Variants in LUZP2 observed in about 807,000 individuals in gnomAD.
The protein encoded by LUZP2 is leucine zipper protein 2.
A neutral mutation model predicts 51.6 loss-of-function variants in LUZP2; 52 were observed. The ratio of observed to expected loss-of-function variants is 1.01; its 90% confidence interval spans 0.81 to 1.27. LUZP2 has a LOEUF of 1.27. LUZP2 is among the 50% of genes most tolerant of loss of function. The pLI is 0.00. For missense variants in LUZP2, 436 were observed against 395.4 expected, an observed-to-expected ratio of 1.10 and a Z score of -0.87; for synonymous variants, 154 against 137.3, an observed-to-expected ratio of 1.12 and a Z score of -0.85.
At chr11:24,532,111 A>G (rs983834355) in intron 1 of LUZP2, among the ~76,000 whole-genome samples, 2 of 150,858 alleles carry the variant, frequency 1.3e-5, no homozygotes, top group Admixed American at 1.3e-4. Context: ...ATCATTATCA[A>G]TATTTTGCCA....
chr11:24,798,966 A>G (rs1345045203), intron 5 of LUZP2, among the ~76,000 whole-genome samples: 7 of 152,072 alleles, frequency 4.6e-5, no homozygotes, highest in Non-Finnish European at 8.8e-5. Flanking sequence ...CTACTAAGAG[A>G]AAAGGAGTTT....
At chr11:25,044,717 C>T (rs1858235866) in intron 9 of LUZP2, among the ~76,000 whole-genome samples, 1 of 42,150 alleles carries the variant, frequency 2.4e-5, no homozygotes, top group Non-Finnish European at 6.1e-5. Flanking sequence ...TGGGTATATA[C>T]CAAAGGATTA....
chr11:25,031,029 T>C (rs1857669781), intron 9 of LUZP2, among the ~76,000 whole-genome samples: 1 of 94,672 alleles, frequency 1.1e-5, no homozygotes, highest in Non-Finnish European at 2.1e-5. Context: ...TTTTTTTTTT[T>C]TGAGACAGAG....
At chr11:24,835,146 A>C (rs927412435) in intron 5 of LUZP2, among the ~76,000 whole-genome samples, 4 of 152,174 alleles carry the variant, frequency 2.6e-5, no homozygotes, top group African/African-American at 9.6e-5. Context: ...GACCTTAGAA[A>C]TAACACCACA....
At chr11:24,807,805 C>T (rs1849900510) in intron 5 of LUZP2, among the ~76,000 whole-genome samples, 1 of 152,046 alleles carries the variant, frequency 6.6e-6, no homozygotes, top group East Asian at 1.9e-4. Flanking sequence ...TTTTTATGGC[C>T]ATGCTTCCCA....
intron 1 of LUZP2, among the ~76,000 whole-genome samples, chr11:24,564,271 C>T (rs566470259): frequency 1.3e-5 from 2 of 152,218 alleles, no homozygotes; most frequent in Non-Finnish European, 2.9e-5. Context: ...TTTCTTCTAT[C>T]TCTTTTAAAG....
chr11:24,971,197 A>AT (rs1855726766), intron 7 of LUZP2, among the ~76,000 whole-genome samples: 1 of 152,058 alleles, frequency 6.6e-6, no homozygotes, highest in South Asian at 2.1e-4. Flanking sequence ...ATGGAAGACC[A>AT]TTTTTCCACG....
intron 1 of LUZP2, among the ~76,000 whole-genome samples, chr11:24,704,410 G>T (rs902696841): frequency 6.7e-6 from 1 of 150,338 alleles, no homozygotes; most frequent in Non-Finnish European, 1.5e-5. Context: ...ATTTCCATGT[G>T]TATCTGGACA....
chr11:24,950,062 A>G (rs997856404), intron 7 of LUZP2, among the ~76,000 whole-genome samples: 10 of 148,582 alleles, frequency 6.7e-5, no homozygotes, highest in African/African-American at 2.5e-4. Flanking sequence ...GGATGGGTAT[A>G]TGGAGGGAGA....
At chr11:25,012,673 T>C (rs906426161) in intron 9 of LUZP2, among the ~76,000 whole-genome samples, 3 of 152,112 alleles carry the variant, frequency 2.0e-5, no homozygotes, top group African/African-American at 7.2e-5. Context: ...CAGGGAGATA[T>C]CATCTTATCC....
chr11:24,700,492 A>G (rs72882452), intron 1 of LUZP2, among the ~76,000 whole-genome samples: 28,707 of 152,114 alleles, frequency 0.19, 2,880 homozygotes, highest in East Asian at 0.37. Context: ...TCTAGCACTT[A>G]GCAAAATCTA....
At position 25,080,291 on chromosome 11, in the gene LUZP2, A is replaced by C. The variant is rs1261356775; in HGVS notation, c.*1633A>C. Reference sequence around the variant, plus strand: ...GGGTTTGTGTTAGACAATTTGCCCAACTGTAGGATGAGGTATATGTTCTGA... The same window carrying C: ...GGGTTTGTGTTAGACAATTTGCCCACCTGTAGGATGAGGTATATGTTCTGA... On this transcript the variant is annotated 3_prime_UTR_variant, in exon 12 of 12. Transcript: ENST00000336930. The C allele has an allele frequency of 1.3e-5, 2 of 152,182 alleles. No individual in the cohort carries two copies. The highest frequency in any genetic ancestry group is 6.5e-5 in the Admixed American group (1 of 15,280). The allele number at this position is 152,182 out of a possible 1,614,324, so 9.4% of individuals were successfully genotyped here.
chr11:24,928,810 T>G (rs1231682096), intron 7 of LUZP2, among the ~76,000 whole-genome samples: 1 of 152,154 alleles, frequency 6.6e-6, no homozygotes, highest in East Asian at 1.9e-4. Context: ...TGGTACCAAT[T>G]CTTCTTTGAA....
intron 11 of LUZP2, 21 bp downstream of exon 11, chr11:25,077,427 G>T: frequency 1.4e-6 from 2 of 1,461,240 alleles, no homozygotes; most frequent in South Asian, 2.4e-5. Context: ...GTTTTATTTC[G>T]TTTGTGTCAA....
intron 1 of LUZP2, among the ~76,000 whole-genome samples, chr11:24,679,461 A>G (rs972960046): frequency 6.6e-6 from 1 of 152,140 alleles, no homozygotes; most frequent in Non-Finnish European, 1.5e-5. Context: ...ACCTTACTGT[A>G]TGACAGACAC....
intron 4 of LUZP2, among the ~76,000 whole-genome samples, chr11:24,744,838 G>A (rs1485275561): frequency 6.6e-6 from 1 of 151,950 alleles, no homozygotes; most frequent in Non-Finnish European, 1.5e-5. Flanking sequence ...TCTGATGTAG[G>A]CATTTAGGGC....
intron 7 of LUZP2, among the ~76,000 whole-genome samples, chr11:24,948,188 C>A (rs1201912048): frequency 6.6e-6 from 1 of 151,542 alleles, no homozygotes; most frequent in Non-Finnish European, 1.5e-5. Context: ...TCCTCCAGGA[C>A]AAATATAGCG....
At chr11:24,586,758 C>A (rs1020595841) in intron 1 of LUZP2, among the ~76,000 whole-genome samples, 2 of 152,122 alleles carry the variant, frequency 1.3e-5, no homozygotes, top group African/African-American at 4.8e-5. Flanking sequence ...AATAATTAAT[C>A]CTCACTAGGA....
chr11:24,505,874 T>C (rs904155637), intron 1 of LUZP2, among the ~76,000 whole-genome samples: 2 of 152,102 alleles, frequency 1.3e-5, no homozygotes, highest in Non-Finnish European at 2.9e-5. Flanking sequence ...ATCTGGTGCC[T>C]GAAGCTCCAA....
Sources: gnomAD v4.1 joint callset for allele counts (sites outside exome capture counted in the v4.1 genomes callset) on GRCh38, gnomAD v4.1.1 for gene constraint, MANE v1.5 for transcripts, NCBI Gene and HGNC (gene_info 2026-07-23, HGNC 2026-07-21) for gene names.